ST8SIA5: variants seen among roughly 807,000 people sequenced by gnomAD.
The protein encoded by ST8SIA5 is ST8 alpha-N-acetyl-neuraminide alpha-2,8-sialyltransferase 5.
In ST8SIA5, 24 loss-of-function variants were observed where a neutral mutation model predicts 40.2. That is an observed-to-expected ratio of 0.60 (90% CI 0.43 to 0.84). The LOEUF is 0.84. Among genes scored for constraint, ST8SIA5 ranks in the 40% least tolerant of loss-of-function variants. ST8SIA5 has a pLI of 0.00. For missense variants in ST8SIA5, 465 were observed against 498.5 expected (o/e 0.93, Z 0.64); for synonymous variants, 198 against 201.8 (o/e 0.98, Z 0.16).
chr18:46,743,928 G>T (rs2040112326), intron 1 of ST8SIA5, among the ~76,000 whole-genome samples: 1 of 152,304 alleles, frequency 6.6e-6, no homozygotes, highest in Admixed American at 6.5e-5. Flanking sequence ...TTAAAGAAAA[G>T]AATTTTCAAC....
intron 1 of ST8SIA5, among the ~76,000 whole-genome samples, chr18:46,740,957 A>G (rs1439081204): frequency 6.6e-6 from 1 of 152,204 alleles, no homozygotes. Context: ...TTTAGAGGAA[A>G]TTTTATAACT....
At chr18:46,743,549 G>A (rs1000057044) in intron 1 of ST8SIA5, among the ~76,000 whole-genome samples, 1 of 152,178 alleles carries the variant, frequency 6.6e-6, no homozygotes. Flanking sequence ...AAGCCTCCAA[G>A]AAATATGGGA....
In ST8SIA5 at chr18:46,734,390, G is replaced by A. The variant is rs536738281; in HGVS notation, c.131+21988C>T. Among the ~76,000 whole-genome samples, 988 of 149,684 alleles carry A rather than the reference G, an allele frequency of 6.6e-3. 6 individuals carry two copies. The highest frequency in any genetic ancestry group is 0.011 in the Non-Finnish European group (772 of 67,482). On this transcript the variant is annotated intron_variant, in intron 1 of 6. Coordinates refer to ENST00000315087, the MANE Select transcript of ST8SIA5 (RefSeq NM_013305.6). Reference sequence around the variant, plus strand: ...CGGAGAGACCCCCAACCCCTAGGCCGTTCCCCACCTCCCCCCACCCCTGCT... The same window carrying A: ...CGGAGAGACCCCCAACCCCTAGGCCATTCCCCACCTCCCCCCACCCCTGCT...
intron 2 of ST8SIA5, among the ~76,000 whole-genome samples, chr18:46,700,561 A>C (rs1323744558): frequency 1.3e-5 from 2 of 151,964 alleles, no homozygotes; most frequent in Admixed American, 6.6e-5. Context: ...CAGCTTGGGG[A>C]CTCAGGAAAG....
Position 46,679,071 on chromosome 18 carries a change from G to C in ST8SIA5, c.*971C>G, listed in dbSNP as rs566482501. ...AGTGCTTTCCAGCCCAGAGCCTATG[G>C]TTCCGACTGAGGAACACGATACAGC... On this transcript the variant is annotated 3_prime_UTR_variant, in exon 7 of 7. Transcript: ENST00000315087. The C allele has an allele frequency of 6.6e-6, 1 of 152,218 alleles. No individual in the cohort carries two copies. Among genetic ancestry groups the C allele is most frequent in the African/African-American group, 2.4e-5 (1 of 41,440 alleles). The allele number at this position is 152,218 out of a possible 1,614,324, so 9.4% of individuals were successfully genotyped here.
At chr18:46,700,100 C>T (rs529918787) in intron 2 of ST8SIA5, among the ~76,000 whole-genome samples, 2 of 152,328 alleles carry the variant, frequency 1.3e-5, no homozygotes, top group South Asian at 4.2e-4. Flanking sequence ...CTCTAGATGA[C>T]AGGTGTAAAT....
chr18:46,751,697 T>C (rs1273297232), intron 1 of ST8SIA5, among the ~76,000 whole-genome samples: 1 of 152,154 alleles, frequency 6.6e-6, no homozygotes, highest in Non-Finnish European at 1.5e-5. Flanking sequence ...ACATGGCAAA[T>C]GGATTTTTTA....
At chr18:46,734,447 C>T (rs8096014) in intron 1 of ST8SIA5, among the ~76,000 whole-genome samples, 42,385 of 151,108 alleles carry the variant, frequency 0.28, 6,739 homozygotes, top group East Asian at 0.44. Flanking sequence ...GGGGTTGCCT[C>T]TCTAATCTTT....
intron 4 of ST8SIA5, among the ~76,000 whole-genome samples, chr18:46,688,552 C>T (rs1000111874): frequency 1.3e-5 from 2 of 152,238 alleles, no homozygotes; most frequent in African/African-American, 2.4e-5. Context: ...CCAAAAGTCA[C>T]TCAAATCATA....
Position 46,724,318 on chromosome 18 carries a change from C to T in ST8SIA5, c.132-19654G>A, listed in dbSNP as rs182247568. Among the ~76,000 whole-genome samples the T allele has an allele frequency of 2.6e-3, 392 of 152,364 alleles. 17 individuals carry two copies. The highest frequency in any genetic ancestry group is 3.4e-3 in the Middle Eastern group (1 of 294). On this transcript the variant is annotated intron_variant, in intron 1 of 6. Transcript: ENST00000315087. ...CTGCTGCACACATGAAGTGCTCCAG[C>T]GATGCTTTGCTGAGTAACAGTAGAC...
In ST8SIA5 at chr18:46,667,975, T is replaced by C. The variant is rs540904802; in HGVS notation, c.*12067A>G. The C allele has an allele frequency of 6.6e-6, 1 of 152,368 alleles. No individual in the cohort carries two copies. The highest frequency in any genetic ancestry group is 2.4e-5 in the African/African-American group (1 of 41,578). 9.4% of individuals were successfully genotyped at this position (152,368 alleles called of 1,614,324 possible). ...AGGACAGCCACACACAAGCTGGAAT[T>C]ATGCTACAGGAGTTTGTATAAACCA... is the stretch of plus-strand genomic sequence containing the variant. On this transcript the variant is annotated 3_prime_UTR_variant, in exon 7 of 7. Coordinates refer to ENST00000315087, the MANE Select transcript of ST8SIA5 (RefSeq NM_013305.6).
chr18:46,751,525 T>C (rs968573662), intron 1 of ST8SIA5, among the ~76,000 whole-genome samples: 4 of 151,952 alleles, frequency 2.6e-5, no homozygotes, highest in African/African-American at 4.8e-5. Context: ...GCCTCCTGAG[T>C]AGCTGGGATT....
At chr18:46,717,022 C>T (rs1414963911) in intron 1 of ST8SIA5, among the ~76,000 whole-genome samples, 3 of 152,184 alleles carry the variant, frequency 2.0e-5, no homozygotes, top group South Asian at 4.1e-4. Context: ...CTGGGGGACT[C>T]CTGCCTCAGC....
At chr18:46,709,895 C>A (rs1170802993) in intron 1 of ST8SIA5, among the ~76,000 whole-genome samples, 3 of 151,994 alleles carry the variant, frequency 2.0e-5, no homozygotes, top group Non-Finnish European at 4.4e-5. Flanking sequence ...TTTTTTAAGT[C>A]CCAGACCTTC....
Position 46,692,248 on chromosome 18 carries a change from G to A in ST8SIA5, c.232C>T (p.Gln78Ter). Residue 78 changes from glutamine to a stop codon, truncating the protein, a stop_gained, in exon 3 of 7, where the codon CAG (glutamine) becomes TAG (stop). Coordinates refer to ENST00000315087, the MANE Select transcript of ST8SIA5 (RefSeq NM_013305.6). LOFTEE classifies it high-confidence loss of function. Reference protein sequence around the residue: ...LEVKVLSMVKQSELFDRWKSL... With the variant: ...LEVKVLSMVK ...TTCCACCTGTCGAACAGCTCTGACT[G>A]CTTCACCCTTGGGAGTAGAGGACAG... is the stretch of plus-strand genomic sequence containing the variant. The A allele has an allele frequency of 6.2e-7, 1 of 1,614,126 alleles. No individual in the cohort carries two copies. The highest frequency in any genetic ancestry group is 8.5e-7 in the Non-Finnish European group (1 of 1,180,000).
rs866375015 is a variant in ST8SIA5, at chr18:46,731,254, A to G, written c.131+25124T>C. On this transcript the variant is annotated intron_variant, in intron 1 of 6. Transcript: ENST00000315087. ...TAAAAACATTTTATTTCTCTACCAA[A>G]AGAAAAAGAAAAAGGCCTTTTGGTA... 3.3e-5 allele frequency among the ~76,000 whole-genome samples: 5 copies of G among 152,352 alleles called. No individual in the cohort carries two copies. In the South Asian group the frequency reaches 1.0e-3, roughly 32 times the overall value.
At chr18:46,718,050 T>G (rs562687354) in intron 1 of ST8SIA5, among the ~76,000 whole-genome samples, 9 of 152,254 alleles carry the variant, frequency 5.9e-5, no homozygotes, top group African/African-American at 1.2e-4. Flanking sequence ...TTATTCCGGC[T>G]GGGTGCTGTG....
At chr18:46,732,899 G>A (rs1599143087) in intron 1 of ST8SIA5, among the ~76,000 whole-genome samples, 1 of 137,202 alleles carries the variant, frequency 7.3e-6, no homozygotes, top group South Asian at 2.3e-4. Flanking sequence ...GGGAGGGCTG[G>A]TGGAAGTGGT....
intron 1 of ST8SIA5, 142 bp from the exon 2 acceptor site, chr18:46,704,806 G>A (rs1170829240): frequency 7.1e-6 from 5 of 705,584 alleles, no homozygotes; most frequent in African/African-American, 5.3e-5. Context: ...TGTCCCATTA[G>A]GGGCTTCAGG....
Sources: gnomAD v4.1 joint callset for allele counts (sites outside exome capture counted in the v4.1 genomes callset) on GRCh38, gnomAD v4.1.1 for gene constraint, MANE v1.5 for transcripts, NCBI Gene and HGNC (gene_info 2026-07-23, HGNC 2026-07-21) for gene names.